The following RNF220 variants were observed in gnomAD, a reference collection of about 807,000 sequenced individuals.
RNF220 encodes the protein ring finger protein 220, also known as E3 ubiquitin-protein ligase RNF220.
A neutral mutation model predicts 67.1 loss-of-function variants in RNF220; 7 were observed. The observed-to-expected ratio is 0.10, with a 90% CI of 0.06 to 0.20. RNF220 has a LOEUF of 0.20. Ranked by LOEUF, RNF220 falls within the 10% of genes least tolerant of loss-of-function variation. The pLI, the probability that RNF220 is intolerant of heterozygous loss-of-function variation, is 1.00. For synonymous variants in RNF220, 270 were observed against 283.2 expected (o/e 0.95, Z 0.47); for missense variants, 565 against 740.3 (o/e 0.76, Z 2.75).
At chr1:44,493,011 G>A (rs1472227394) in intron 2 of RNF220, among the ~76,000 whole-genome samples, 1 of 151,794 alleles carries the variant, frequency 6.6e-6, no homozygotes, top group Non-Finnish European at 1.5e-5. Flanking sequence ...TCTTGCCTCA[G>A]CTTCCTGAGT....
At chr1:44,625,011 C>T (rs1643896952) in intron 4 of RNF220, among the ~76,000 whole-genome samples, 1 of 140,042 alleles carries the variant, frequency 7.1e-6, no homozygotes, top group Non-Finnish European at 1.5e-5. Context: ...CTCAGGGCTT[C>T]TAACCTAGAG....
chr1:44,622,347 A>G lies in RNF220; in HGVS notation c.759-395A>G, dbSNP rs1035077498. 8.5e-5 allele frequency among the ~76,000 whole-genome samples: 13 copies of G among 152,238 alleles called. No homozygotes were observed. Among genetic ancestry groups the G allele is most frequent in the Non-Finnish European group, 1.8e-4 (12 of 68,036 alleles). On this transcript the variant is annotated intron_variant, in intron 3 of 14. Transcript: ENST00000361799. The surrounding 1 kb of genome is among the most constrained non-coding windows in gnomAD (Gnocchi z 4.3). Reference sequence around the variant, plus strand: ...AGGGAGAATTGACAAGAGCCCTGTCAGCTCCATCACCCCAATCCCACAGGA... The same window carrying G: ...AGGGAGAATTGACAAGAGCCCTGTCGGCTCCATCACCCCAATCCCACAGGA...
At chr1:44,644,885 C>A (rs41269055) in intron 9 of RNF220, 91 bp downstream of exon 9, 18 of 1,501,928 alleles carry the variant, frequency 1.2e-5, no homozygotes, top group Non-Finnish European at 1.5e-5. Context: ...ACCTGCACCA[C>A]CCCCCGGGCC....
intron 2 of RNF220, among the ~76,000 whole-genome samples, chr1:44,432,926 G>A (rs935884045): frequency 4.0e-4 from 47 of 117,266 alleles, no homozygotes; most frequent in African/African-American, 1.6e-3. Flanking sequence ...GTCTTGCTCT[G>A]TTGCTCAGTT....
chr1:44,435,989 T>C (rs546407943), intron 2 of RNF220, among the ~76,000 whole-genome samples: 10 of 152,104 alleles, frequency 6.6e-5, no homozygotes, highest in Non-Finnish European at 1.3e-4. Flanking sequence ...TAGAATCTTT[T>C]CTCTCAGCTC....
chr1:44,476,038 G>A (rs1258032973), intron 2 of RNF220, among the ~76,000 whole-genome samples: 2 of 151,584 alleles, frequency 1.3e-5, no homozygotes, highest in African/African-American at 4.9e-5. Flanking sequence ...AAAATCAGTT[G>A]CAGAAGAATA....
At position 44,534,422 on chromosome 1, in the gene RNF220, C is replaced by T. The variant is rs144190359; in HGVS notation, c.626-79743C>T. Among the ~76,000 whole-genome samples, 141 of 152,086 alleles carry T rather than the reference C, an allele frequency of 9.3e-4. 1 individual carries two copies. Among genetic ancestry groups the T allele is most frequent in the African/African-American group, 3.3e-3 (138 of 41,478 alleles). On this transcript the variant is annotated intron_variant, in intron 2 of 14. Transcript: ENST00000361799. ...ATGTGCCATGTTGGTGTGCTGCACC[C>T]GTTAACTCGTCATTTAGCATTAGGT... is the stretch of plus-strand genomic sequence containing the variant.
intron 2 of RNF220, among the ~76,000 whole-genome samples, chr1:44,578,880 C>G (rs1050913393): frequency 6.6e-6 from 1 of 152,100 alleles, no homozygotes; most frequent in East Asian, 1.9e-4. Flanking sequence ...TCATGCAATC[C>G]TCAGGCCGGG....
chr1:44,603,155 G>A (rs1274014389), intron 2 of RNF220, among the ~76,000 whole-genome samples: 7 of 152,318 alleles, frequency 4.6e-5, no homozygotes, highest in East Asian at 1.9e-4. Context: ...AATCTGATGC[G>A]CAGCAGCAAA....
At chr1:44,576,681 C>T (rs1664828517) in intron 2 of RNF220, among the ~76,000 whole-genome samples, 1 of 152,122 alleles carries the variant, frequency 6.6e-6, no homozygotes, top group African/African-American at 2.4e-5. Flanking sequence ...AACAACCCAG[C>T]AGGACAGCCC....
chr1:44,646,869 C>A (rs947426144), intron 12 of RNF220, among the ~76,000 whole-genome samples: 1 of 152,208 alleles, frequency 6.6e-6, no homozygotes, highest in Admixed American at 6.5e-5. Context: ...TTCTCTATTT[C>A]TTGCCCTAGA....
intron 2 of RNF220, among the ~76,000 whole-genome samples, chr1:44,544,342 C>T (rs1191626028): frequency 6.6e-6 from 1 of 152,170 alleles, no homozygotes; most frequent in Non-Finnish European, 1.5e-5. Context: ...CTGGGATCAC[C>T]CTGTTCCTCT....
At chr1:44,619,149 CAG>C (rs1400978736) in intron 3 of RNF220, among the ~76,000 whole-genome samples, 1 of 152,118 alleles carries the variant, frequency 6.6e-6, no homozygotes, top group African/African-American at 2.4e-5. Flanking sequence ...AGTTTCCATC[CAG>C]AGAGATGAAG....
chr1:44,501,577 GCAA>G (rs1431183670), intron 2 of RNF220, among the ~76,000 whole-genome samples: 3,826 of 152,244 alleles, frequency 0.025, 141 homozygotes, highest in African/African-American at 0.088. Flanking sequence ...AGAAAGGAAA[GCAA>G]TGCGGCCAAG....
intron 2 of RNF220, among the ~76,000 whole-genome samples, chr1:44,601,539 A>G (rs1406850051): frequency 7.9e-5 from 12 of 152,184 alleles, no homozygotes; most frequent in Non-Finnish European, 7.3e-5. Context: ...ATCAAAGCCC[A>G]GGAGAAGTGA....
At chr1:44,512,146 A>T (rs1178971056) in intron 2 of RNF220, among the ~76,000 whole-genome samples, 1 of 152,182 alleles carries the variant, frequency 6.6e-6, no homozygotes, top group Non-Finnish European at 1.5e-5. Context: ...TCATTCAGAG[A>T]GAGGGACACT....
At chr1:44,442,431 C>T (rs7529128) in intron 2 of RNF220, among the ~76,000 whole-genome samples, 24,993 of 151,802 alleles carry the variant, frequency 0.16, 2,797 homozygotes, top group African/African-American at 0.31. Context: ...GTGTGAGCCA[C>T]CGTGCCCAGC....
chr1:44,523,898 G>A (rs1188245918), intron 2 of RNF220, among the ~76,000 whole-genome samples: 3 of 152,298 alleles, frequency 2.0e-5, no homozygotes, highest in South Asian at 4.1e-4. Context: ...CTCTGGCATG[G>A]GGTATTTTAA....
intron 2 of RNF220, among the ~76,000 whole-genome samples, chr1:44,552,447 G>A (rs1662711355): frequency 6.6e-6 from 1 of 151,422 alleles, no homozygotes; most frequent in South Asian, 2.1e-4. Context: ...AGTGAGCCAT[G>A]ATTGTGCCAC....
Sources: gnomAD v4.1 joint callset for allele counts (sites outside exome capture counted in the v4.1 genomes callset) on GRCh38, gnomAD v4.1.1 for gene constraint, Gnocchi (gnomAD v3.1) non-coding constraint, MANE v1.5 for transcripts, NCBI Gene and HGNC (gene_info 2026-07-23, HGNC 2026-07-21) for gene names.